Variants in UBE2R2 observed in about 807,000 individuals in gnomAD.
UBE2R2 encodes ubiquitin conjugating enzyme E2 R2.
In UBE2R2, 1 loss-of-function variant was observed where a neutral mutation model predicts 27.8. The ratio of observed to expected loss-of-function variants is 0.04; its 90% confidence interval spans 0.01 to 0.17. The LOEUF is 0.17. UBE2R2 is among the 10% of genes least tolerant of loss of function. UBE2R2 has a pLI of 1.00. For missense variants in UBE2R2, 100 were observed against 291.0 expected (o/e 0.34, Z 4.78); for synonymous variants, 106 against 113.3 (o/e 0.94, Z 0.41).
intron 1 of UBE2R2, among the ~76,000 whole-genome samples, chr9:33,821,214 G>A (rs1320967132): frequency 6.6e-5 from 10 of 152,166 alleles, no homozygotes. Flanking sequence ...GTACAGTGGT[G>A]TGATCATGGC....
At chr9:33,837,886 G>A (rs1820648694) in intron 1 of UBE2R2, among the ~76,000 whole-genome samples, 1 of 152,056 alleles carries the variant, frequency 6.6e-6, no homozygotes, top group African/African-American at 2.4e-5. Context: ...GATCATGGTT[G>A]TCGTTTCTCC....
intron 2 of UBE2R2, among the ~76,000 whole-genome samples, chr9:33,899,929 A>C (rs1359046084): frequency 6.6e-6 from 1 of 152,250 alleles, no homozygotes; most frequent in Non-Finnish European, 1.5e-5. Context: ...CGTTTGTTTC[A>C]TCAGGATTGT....
At chr9:33,829,926 T>C (rs1820416147) in intron 1 of UBE2R2, among the ~76,000 whole-genome samples, 1 of 151,040 alleles carries the variant, frequency 6.6e-6, no homozygotes, top group African/African-American at 2.4e-5. Flanking sequence ...GCCTCCCGAG[T>C]AGCAAGGACT....
chr9:33,816,971 G>A (rs1331592715), upstream of UBE2R2, among the ~76,000 whole-genome samples: 5 of 150,248 alleles, frequency 3.3e-5, no homozygotes, highest in Non-Finnish European at 5.9e-5. Flanking sequence ...AAAGCGCCGC[G>A]ACCGCGCGGG....
rs1029736437 is a variant in UBE2R2, at chr9:33,919,775, A to G, written c.*2538A>G. ...GAGGTCTCAGGCTCAATCCGGAACC[A>G]TGTACGTACAGTTTTGCTTATTATT... On this transcript the variant is annotated 3_prime_UTR_variant, in exon 5 of 5. Coordinates refer to ENST00000263228, the MANE Select transcript of UBE2R2 (RefSeq NM_017811.4). 1 of 151,840 alleles carries G rather than the reference A, an allele frequency of 6.6e-6. No individual in the cohort carries two copies. Among genetic ancestry groups the G allele is most frequent in the Non-Finnish European group, 1.5e-5 (1 of 67,974 alleles). The allele number at this position is 151,840 out of a possible 1,614,324, so 9.4% of individuals were successfully genotyped here. A position where few individuals can be genotyped will look rare whatever the true frequency, so the allele number is the denominator to read the frequency against.
At chr9:33,891,067 T>TTTGTTTTTTTTTTTTGG in intron 2 of UBE2R2, among the ~76,000 whole-genome samples, 1 of 148,914 alleles carries the variant, frequency 6.7e-6, no homozygotes, top group East Asian at 2.0e-4. Context: ...TTTTTTTTTT[T>TTTGTTTTTTTTTTTTGG]GAGATGGAGT....
At chr9:33,859,799 T>TGAGAGAGAGA (rs376101396) in intron 1 of UBE2R2, among the ~76,000 whole-genome samples, 6 of 86,520 alleles carry the variant, frequency 6.9e-5, no homozygotes, top group African/African-American at 2.8e-4. Flanking sequence ...TGTGTGTGTG[T>TGAGAGAGAGA]GAGAGAGAGA....
intron 1 of UBE2R2, among the ~76,000 whole-genome samples, chr9:33,861,333 C>T (rs562807171): frequency 2.0e-5 from 3 of 151,572 alleles, no homozygotes; most frequent in Admixed American, 6.6e-5. Flanking sequence ...TTTGGGAGGC[C>T]GAGGCGGGCA....
chr9:33,902,855 T>G (rs1483004245), intron 3 of UBE2R2, among the ~76,000 whole-genome samples: 1 of 152,152 alleles, frequency 6.6e-6, no homozygotes, highest in African/African-American at 2.4e-5. Flanking sequence ...ATCCCAGCAC[T>G]TTGGGAGGCC....
chr9:33,859,123 C>T (rs1347206654), intron 1 of UBE2R2, among the ~76,000 whole-genome samples: 5 of 151,988 alleles, frequency 3.3e-5, no homozygotes, highest in East Asian at 1.9e-4. Flanking sequence ...CATGTCCGGC[C>T]GGAAGAGTTC....
chr9:33,862,888 T>G (rs1335978249), intron 1 of UBE2R2, among the ~76,000 whole-genome samples: 1 of 152,184 alleles, frequency 6.6e-6, no homozygotes, highest in Non-Finnish European at 1.5e-5. Flanking sequence ...TTTAAGGTTT[T>G]TAATCTTTGG....
chr9:33,884,882 C>T (rs1821824145), intron 1 of UBE2R2, among the ~76,000 whole-genome samples: 1 of 152,152 alleles, frequency 6.6e-6, no homozygotes, highest in Non-Finnish European at 1.5e-5. Context: ...CAATTCTCCT[C>T]TTCCCCAGGG....
chr9:33,915,283 C>T (rs1220579425), intron 4 of UBE2R2, among the ~76,000 whole-genome samples: 1 of 152,094 alleles, frequency 6.6e-6, no homozygotes, highest in East Asian at 1.9e-4. Flanking sequence ...AAGCAATGCT[C>T]ATTTATTCAG....
Position 33,918,375 on chromosome 9 carries a change from A to T in UBE2R2, c.*1138A>T, listed in dbSNP as rs1822709067. The T allele has an allele frequency of 6.6e-6, 1 of 151,896 alleles. No homozygotes were observed. Among genetic ancestry groups the T allele is most frequent in the Non-Finnish European group, 1.5e-5 (1 of 67,988 alleles). 9.4% of individuals were successfully genotyped at this position (151,896 alleles called of 1,614,324 possible). Reference sequence around the variant, plus strand: ...TGTGAGACGAGTTACCGCCTTCTTCATTGGATGTGATCTGAACTTTTTTTC... The same window carrying T: ...TGTGAGACGAGTTACCGCCTTCTTCTTTGGATGTGATCTGAACTTTTTTTC... On this transcript the variant is annotated 3_prime_UTR_variant, in exon 5 of 5. Transcript: ENST00000263228.
chr9:33,836,768 A>ATAT (rs200535767), intron 1 of UBE2R2, among the ~76,000 whole-genome samples: 45 of 147,694 alleles, frequency 3.0e-4, no homozygotes, highest in African/African-American at 3.5e-4. Flanking sequence ...AAAAAAAAAA[A>ATAT]ATATATATAT....
At chr9:33,888,708 T>C (rs950154086) in intron 2 of UBE2R2, among the ~76,000 whole-genome samples, 7 of 152,128 alleles carry the variant, frequency 4.6e-5, no homozygotes, top group African/African-American at 1.4e-4. Flanking sequence ...GCAGAGACAG[T>C]GTTTCACCAT....
rs575477696 is a variant in UBE2R2, at chr9:33,837,488, C to T, written c.177+19554C>T. On this transcript the variant is annotated intron_variant, in intron 1 of 4. Transcript: ENST00000263228. The stretch of plus-strand genomic sequence containing the variant: ...CTGCCTAAGCTGGAGTGCAGTGGTG[C>T]GAACATAGCTTACTGCAACCTCTGC... 5.4e-5 allele frequency among the ~76,000 whole-genome samples: 8 copies of T among 148,076 alleles called. No individual in the cohort carries two copies. In the South Asian group the frequency reaches 1.5e-3, roughly 28 times the overall value.
At chr9:33,889,226 GAA>G (rs1439637148) in intron 2 of UBE2R2, among the ~76,000 whole-genome samples, 1 of 152,148 alleles carries the variant, frequency 6.6e-6, no homozygotes, top group Non-Finnish European at 1.5e-5. Flanking sequence ...ATTAACAACA[GAA>G]ATTTATTGCT....
chr9:33,834,747 C>T (rs1465852547), intron 1 of UBE2R2, among the ~76,000 whole-genome samples: 1 of 151,664 alleles, frequency 6.6e-6, no homozygotes, highest in East Asian at 2.0e-4. Flanking sequence ...CCCATCTCTA[C>T]TAAAAATACA....
Sources: allele counts gnomAD v4.1 joint callset (sites outside exome capture counted in the v4.1 genomes callset), GRCh38; gene constraint gnomAD v4.1.1; transcripts MANE v1.5; gene names NCBI Gene and HGNC (gene_info 2026-07-23, HGNC 2026-07-21).